The following CRACR2A variants were observed in gnomAD, a reference collection of about 807,000 sequenced individuals.
CRACR2A encodes the protein calcium release activated channel regulator 2A.
In CRACR2A, 79 loss-of-function variants were observed where a neutral mutation model predicts 90.5. That is an observed-to-expected ratio of 0.87 (90% CI 0.73 to 1.05). The LOEUF (loss-of-function observed/expected upper bound fraction) is 1.05. Among genes scored for constraint, CRACR2A ranks in the 50% least tolerant of loss-of-function variants. The pLI, the probability that CRACR2A is intolerant of heterozygous loss-of-function variation, is 0.00. For synonymous variants in CRACR2A, 338 were observed against 356.7 expected, an observed-to-expected ratio of 0.95 and a Z score of 0.59; for missense variants, 823 against 897.2, an observed-to-expected ratio of 0.92 and a Z score of 1.06.
chr12:3,635,158 T>C (rs773743331), intron 14 of CRACR2A, among the ~76,000 whole-genome samples: 1 of 152,136 alleles, frequency 6.6e-6, no homozygotes, highest in African/African-American at 2.4e-5. Flanking sequence ...CAAAAGCCCA[T>C]AGACACAGCA....
intron 14 of CRACR2A, among the ~76,000 whole-genome samples, chr12:3,634,445 G>C (rs567728320): frequency 6.6e-6 from 1 of 152,300 alleles, no homozygotes; most frequent in South Asian, 2.1e-4. Context: ...CTGCTGCCCT[G>C]TCTCTTGGGC....
intron 4 of CRACR2A, among the ~76,000 whole-genome samples, chr12:3,685,466 C>T (rs1945535644): frequency 6.6e-6 from 1 of 152,138 alleles, no homozygotes; most frequent in Non-Finnish European, 1.5e-5. Context: ...CACATATAGC[C>T]AACAGGCGGA....
chr12:3,701,238 A>T (rs1945829820), intron 3 of CRACR2A, among the ~76,000 whole-genome samples: 3 of 152,074 alleles, frequency 2.0e-5, no homozygotes, highest in Admixed American at 6.5e-5. Flanking sequence ...TTATAGCGCT[A>T]ATCATATATA....
At chr12:3,695,655 T>G (rs1220862441) in intron 4 of CRACR2A, among the ~76,000 whole-genome samples, 1 of 152,188 alleles carries the variant, frequency 6.6e-6, no homozygotes, top group African/African-American at 2.4e-5. Flanking sequence ...CCAACTTTGG[T>G]ATATTCTGAA....
intron 18 of CRACR2A, 53 bp from the exon 19 acceptor site, chr12:3,617,083 T>TG: frequency 2.2e-6 from 3 of 1,370,314 alleles, no homozygotes; most frequent in South Asian, 1.2e-5. Context: ...GAGGGGATTG[T>TG]GGGGGGTGGT....
At chr12:3,619,132 T>C in intron 18 of CRACR2A, 139 bp downstream of exon 18, 2 of 648,120 alleles carry the variant, frequency 3.1e-6, no homozygotes, top group East Asian at 2.8e-5. Flanking sequence ...ATTCCCAGGA[T>C]ACCAAGACAC....
In CRACR2A at chr12:3,638,346, A is replaced by T. The variant is rs1217377356; in HGVS notation, c.1380T>A (p.Pro460=). Residue 460 remains proline, a synonymous_variant, in exon 14 of 20, where the codon CCT becomes CCA. Coordinates refer to ENST00000440314, the MANE Select transcript of CRACR2A (RefSeq NM_001144958.2). ...GGAGCGGCCGGGGGTACGGACCCCCAGGCCCTGGCTCCCCGGTTCCTGGCT... is the reference window on the plus strand; with the variant it reads ...GGAGCGGCCGGGGGTACGGACCCCCTGGCCCTGGCTCCCCGGTTCCTGGCT... ...EEEPGTGEPG[P]GGPYPRPLRR... 2 of 1,551,592 alleles carry T rather than the reference A, an allele frequency of 1.3e-6. No homozygotes were observed. The highest frequency in any genetic ancestry group is 1.7e-6 in the Non-Finnish European group (2 of 1,146,940).
intron 6 of CRACR2A, among the ~76,000 whole-genome samples, chr12:3,677,186 T>C (rs1945351094): frequency 6.6e-6 from 1 of 152,184 alleles, no homozygotes; most frequent in Non-Finnish European, 1.5e-5. Context: ...TTTCACTGCT[T>C]CCAGAACAAC....
rs1190712500 is a variant in CRACR2A, at chr12:3,673,429, G to A, written c.671+17C>T. ...TCACACATAGTTACAGAAAGCGGCT[G>A]ACACTGGGGTACCCACCTTTTTAGG... On this transcript the variant is annotated intron_variant, in intron 7 of 19. Transcript: ENST00000440314. The A allele has an allele frequency of 1.1e-5, 17 of 1,600,514 alleles. No individual in the cohort carries two copies. In the South Asian group the frequency reaches 1.7e-4, roughly 16 times the overall value.
At chr12:3,677,591 C>A (rs114355272) in intron 6 of CRACR2A, among the ~76,000 whole-genome samples, 217 of 152,342 alleles carry the variant, frequency 1.4e-3, no homozygotes, top group African/African-American at 4.6e-3. Context: ...CTCCTTCCCC[C>A]TTCTCCAGGA....
At chr12:3,747,856 G>A (rs770604755) in intron 1 of CRACR2A, among the ~76,000 whole-genome samples, 6 of 152,146 alleles carry the variant, frequency 3.9e-5, no homozygotes, top group Non-Finnish European at 8.8e-5. Context: ...AAGCCCAGAA[G>A]GGCACAGAGC....
In CRACR2A at chr12:3,666,330, C is replaced by CAT. The variant is rs1555112057; in HGVS notation, c.672-6677_672-6676insAT. On this transcript the variant is annotated intron_variant, in intron 7 of 19. Coordinates refer to ENST00000440314, the MANE Select transcript of CRACR2A (RefSeq NM_001144958.2). ...AATGTCCCTCCCTAAAGGACGGCTG[C>CAT]GTGTGTGTGTGTGTGTGTGTGTGTG... is the stretch of plus-strand genomic sequence containing the variant. 2.9e-3 allele frequency among the ~76,000 whole-genome samples: 404 copies of CAT among 139,674 alleles called. 6 individuals carry two copies. The South Asian group carries it at 0.033, about 12-fold the overall frequency. 91.6% of individuals were successfully genotyped at this position (139,674 alleles called of 152,430 possible). A position where few individuals can be genotyped will look rare whatever the true frequency, so the allele number is the denominator to read the frequency against.
chr12:3,619,207 G>T, intron 18 of CRACR2A, 64 bp downstream of exon 18: 1 of 1,362,372 alleles, frequency 7.3e-7, no homozygotes. Context: ...AGGCTCTTGG[G>T]CACTTGCCCA....
chr12:3,732,627 C>A (rs1378923641), intron 2 of CRACR2A: 1 of 152,342 alleles, frequency 6.6e-6, no homozygotes, highest in Non-Finnish European at 1.5e-5. Flanking sequence ...TGTCTGCCAC[C>A]CCTGGTGAAG....
At chr12:3,680,750 T>A (rs1353147397) in intron 4 of CRACR2A, among the ~76,000 whole-genome samples, 3 of 152,148 alleles carry the variant, frequency 2.0e-5, no homozygotes, top group African/African-American at 4.8e-5. Context: ...AGGAGTCAAA[T>A]CCAGCTCTGA....
At position 3,659,656 on chromosome 12, in the gene CRACR2A, TAC is replaced by T. The variant is rs768810734; in HGVS notation, c.672-4_672-3del. 1 of 1,613,950 alleles carries T rather than the reference TAC, an allele frequency of 6.2e-7. No individual in the cohort carries two copies. Among genetic ancestry groups the T allele is most frequent in the Non-Finnish European group, 8.5e-7 (1 of 1,179,802 alleles). On this transcript the variant is annotated splice_polypyrimidine_tract_variant and splice_region_variant and intron_variant, in intron 7 of 19. Coordinates refer to ENST00000440314, the MANE Select transcript of CRACR2A (RefSeq NM_001144958.2). ...TCTTCATCATAAGCAGCAATTTTCC[TAC>T]AGAGGTGGCAAAAGGAGAGTCTCAT...
At chr12:3,694,923 C>T (rs1054457226) in intron 4 of CRACR2A, among the ~76,000 whole-genome samples, 3 of 152,186 alleles carry the variant, frequency 2.0e-5, no homozygotes, top group Non-Finnish European at 4.4e-5. Context: ...GTTCTCCTGC[C>T]TGGATCAGGA....
chr12:3,676,087 G>A (rs534840059), intron 6 of CRACR2A, among the ~76,000 whole-genome samples: 28 of 127,536 alleles, frequency 2.2e-4, no homozygotes, highest in Middle Eastern at 3.8e-3. Flanking sequence ...AAACATCCGC[G>A]TACTTATTTA....
In CRACR2A at chr12:3,641,830, C is replaced by T. The variant is rs1237206332; in HGVS notation, c.1173G>A (p.Lys391=). The change falls in exon 13 of 20, where the codon AAG becomes AAA. Residue 391 remains lysine, a synonymous_variant. Coordinates refer to ENST00000440314, the MANE Select transcript of CRACR2A (RefSeq NM_001144958.2). ...DERDICFQKN[K]AAKANTAASR... is the part of the protein sequence containing the mutation. ...AAGCAGCTGTGTTTGCCTTGGCTGC[C>T]TTATTTTTCTGTAGAAACACAAAAT... 6.4e-7 allele frequency: 1 copy of T among 1,551,638 alleles called. No homozygotes were observed. The highest frequency in any genetic ancestry group is 2.4e-5 in the East Asian group (1 of 40,922).
Sources: gnomAD v4.1 joint callset for allele counts (sites outside exome capture counted in the v4.1 genomes callset) on GRCh38, gnomAD v4.1.1 for gene constraint, MANE v1.5 for transcripts, NCBI Gene and HGNC (gene_info 2026-07-23, HGNC 2026-07-21) for gene names.